Variants in SV2C observed in about 807,000 individuals in gnomAD.
The protein encoded by SV2C is solute carrier family 22 member B3.
In SV2C, 49 loss-of-function variants were observed where a neutral mutation model predicts 79.7. The ratio of observed to expected loss-of-function variants is 0.61; its 90% CI spans 0.49 to 0.78. The LOEUF is 0.78. Among genes scored for constraint, SV2C ranks in the 30% least tolerant of loss-of-function variants. SV2C has a pLI of 0.00. For synonymous variants in SV2C, 334 were observed against 333.2 expected (o/e 1.00, Z -0.03); for missense variants, 833 against 912.9 (o/e 0.91, Z 1.13).
chr5:75,861,310 A>C, the SV2C span, among the ~76,000 whole-genome samples: 1 of 152,222 alleles, frequency 6.6e-6, no homozygotes, highest in Non-Finnish European at 1.5e-5. Context: ...ATTATTAAAA[A>C]GTCAAAAAAC....
At chr5:75,952,024 T>C in the SV2C span, among the ~76,000 whole-genome samples, 1 of 151,880 alleles carries the variant, frequency 6.6e-6, no homozygotes, top group Non-Finnish European at 1.5e-5. Context: ...GTAGTAAAAA[T>C]AAAGAATGAT....
At position 76,200,471 on chromosome 5, in the gene SV2C, A is replaced by C. The variant is rs1744409303; in HGVS notation, c.761+5372A>C. ...ATTTTAAACTTGCAACTCTGTAAAT[A>C]AGTAAAATGTACATTCTGAATCCAA... On this transcript the variant is annotated intron_variant, in intron 3 of 12. Transcript: ENST00000502798. 2.0e-5 allele frequency among the ~76,000 whole-genome samples: 3 copies of C among 152,230 alleles called. No homozygotes were observed. The South Asian group carries it at 6.2e-4, about 31-fold the overall frequency.
At chr5:76,302,630 C>CAAAAAAA (rs60732488) in intron 12 of SV2C, among the ~76,000 whole-genome samples, 2 of 68,852 alleles carry the variant, frequency 2.9e-5, no homozygotes, top group African/African-American at 5.9e-5. Flanking sequence ...GACTCCATCT[C>CAAAAAAA]AAAAAAAAAA....
chr5:76,314,314 G>C (rs889374154), intron 12 of SV2C, among the ~76,000 whole-genome samples: 1 of 152,168 alleles, frequency 6.6e-6, no homozygotes, highest in South Asian at 2.1e-4. Flanking sequence ...CCTCTCTGCT[G>C]TCCTTTGGGT....
intron 2 of SV2C, among the ~76,000 whole-genome samples, chr5:76,159,041 T>C (rs1378407709): frequency 6.6e-6 from 1 of 152,052 alleles, no homozygotes; most frequent in African/African-American, 2.4e-5. Context: ...AACAAAACCA[T>C]GATCATCTCA....
At chr5:76,031,094 C>A in the SV2C span, among the ~76,000 whole-genome samples, 2 of 152,092 alleles carry the variant, frequency 1.3e-5, no homozygotes, top group East Asian at 3.9e-4. Flanking sequence ...CAGGTATGAT[C>A]TTTTGTTTGA....
At chr5:75,954,767 C>A in the SV2C span, among the ~76,000 whole-genome samples, 1 of 148,948 alleles carries the variant, frequency 6.7e-6, no homozygotes, top group Non-Finnish European at 1.5e-5. Flanking sequence ...AACAGAGAGC[C>A]AAATCATGAG....
rs553093826 is a variant in SV2C, at chr5:76,097,631, G to C, written c.-102+14119G>C. 1.9e-3 allele frequency among the ~76,000 whole-genome samples: 292 copies of C among 152,234 alleles called. 1 individual carries two copies. The highest frequency in any genetic ancestry group is 3.9e-3 in the South Asian group (19 of 4,826). ...CTGATATTTTAAATTTATGTGTAGA[G>C]GTAGATTATAATATCTATGAATATT... On this transcript the variant is annotated intron_variant, in intron 1 of 12. Coordinates refer to ENST00000502798, the MANE Select transcript of SV2C (RefSeq NM_014979.4).
At chr5:75,868,411 A>G in the SV2C span, among the ~76,000 whole-genome samples, 1 of 152,154 alleles carries the variant, frequency 6.6e-6, no homozygotes, top group East Asian at 1.9e-4. Context: ...TTAAATGAGC[A>G]CTCGGGCTAC....
intron 1 of SV2C, among the ~76,000 whole-genome samples, chr5:76,099,738 C>T (rs1164556134): frequency 6.6e-6 from 1 of 152,162 alleles, no homozygotes; most frequent in Non-Finnish European, 1.5e-5. Context: ...TCAGCTTAAC[C>T]TTCTATTAAC....
rs552417633 is a variant in SV2C, at chr5:76,183,706, G to A, written c.581-11213G>A. ...CCCCAACCCATGAATTCCACATTCC[G>A]TCTACCCTGAACTACCTAGAGTCCT... On this transcript the variant is annotated intron_variant, in intron 2 of 12. Coordinates refer to ENST00000502798, the MANE Select transcript of SV2C (RefSeq NM_014979.4). Among the ~76,000 whole-genome samples the A allele has an allele frequency of 4.6e-5, 7 of 151,972 alleles. No individual in the cohort carries two copies. The East Asian group carries it at 7.8e-4, about 17-fold the overall frequency.
chr5:75,899,628 T>C, the SV2C span, among the ~76,000 whole-genome samples: 6 of 152,224 alleles, frequency 3.9e-5, no homozygotes, highest in South Asian at 1.2e-3. Context: ...CCTTGTTAAC[T>C]TTCTGTCTCG....
chr5:76,348,727 A>G (rs538906645), intron 12 of SV2C, among the ~76,000 whole-genome samples: 1 of 152,322 alleles, frequency 6.6e-6, no homozygotes, highest in South Asian at 2.1e-4. Flanking sequence ...TGGGCTGGGC[A>G]TGGTGGCTCA....
the SV2C span, among the ~76,000 whole-genome samples, chr5:76,036,375 G>T: frequency 6.6e-6 from 1 of 152,116 alleles, no homozygotes; most frequent in African/African-American, 2.4e-5. Context: ...TTTTGCAGCA[G>T]CTGGTACTGG....
At chr5:76,030,266 GTT>G in the SV2C span, among the ~76,000 whole-genome samples, 4 of 31,974 alleles carry the variant, frequency 1.3e-4, 1 homozygote, top group African/African-American at 5.8e-4. Context: ...TCAGAGGCTT[GTT>G]TTTTTTTTTT....
At chr5:76,154,307 C>A (rs1742656954) in intron 2 of SV2C, among the ~76,000 whole-genome samples, 1 of 152,174 alleles carries the variant, frequency 6.6e-6, no homozygotes, top group South Asian at 2.1e-4. Flanking sequence ...CCTTCATATT[C>A]CCTTGCCTTC....
intron 4 of SV2C, among the ~76,000 whole-genome samples, chr5:76,220,703 T>G (rs1745042194): frequency 6.6e-6 from 1 of 152,016 alleles, no homozygotes; most frequent in African/African-American, 2.4e-5. Flanking sequence ...GTTTGTTTTA[T>G]ATCACATGAA....
chr5:76,202,342 A>G (rs1176768051), intron 3 of SV2C, among the ~76,000 whole-genome samples: 2 of 152,180 alleles, frequency 1.3e-5, no homozygotes, highest in Non-Finnish European at 2.9e-5. Context: ...TTATTCATAT[A>G]TCTTAACTGT....
chr5:75,947,555 G>A, the SV2C span, among the ~76,000 whole-genome samples: 2 of 151,954 alleles, frequency 1.3e-5, no homozygotes, highest in Non-Finnish European at 2.9e-5. Context: ...GGATATGAGT[G>A]TGGGAGGGAG....
Sources: allele counts gnomAD v4.1 joint callset (sites outside exome capture counted in the v4.1 genomes callset), GRCh38; gene constraint gnomAD v4.1.1; transcripts MANE v1.5; gene names NCBI Gene and HGNC (gene_info 2026-07-23, HGNC 2026-07-21).